The following GPR137C variants were observed in gnomAD, a reference collection of about 807,000 sequenced individuals.
The protein encoded by GPR137C is integral membrane protein GPR137C.
GPR137C carries 27 observed loss-of-function variants against 43.4 expected under a neutral mutation model. That is an observed-to-expected ratio of 0.62 (90% CI 0.46 to 0.86). The LOEUF (loss-of-function observed/expected upper bound fraction) is 0.86, where lower values mean the gene tolerates loss of function less well. GPR137C is among the 40% of genes least tolerant of loss of function. The pLI is 0.00. For missense variants in GPR137C, 522 were observed against 534.6 expected (o/e 0.98, Z 0.23); for synonymous variants, 285 against 226.9 (o/e 1.26, Z -2.30).
intron 1 of GPR137C, among the ~76,000 whole-genome samples, chr14:52,566,836 G>C (rs556599182): frequency 6.6e-6 from 1 of 152,358 alleles, no homozygotes; most frequent in South Asian, 2.1e-4. Context: ...TACAGGCCAG[G>C]TGCAGTGGCT....
intron 3 of GPR137C, among the ~76,000 whole-genome samples, chr14:52,621,560 T>C (rs978524270): frequency 3.3e-5 from 5 of 151,984 alleles, no homozygotes; most frequent in Admixed American, 3.3e-4. Context: ...AAAAATCACG[T>C]AATATTGTGA....
intron 3 of GPR137C, among the ~76,000 whole-genome samples, chr14:52,617,366 G>T (rs1488479226): frequency 6.6e-6 from 1 of 151,966 alleles, no homozygotes; most frequent in African/African-American, 2.4e-5. Context: ...GCCTTAGAGA[G>T]AGTGTATTAA....
chr14:52,635,405 T>G lies in GPR137C; in HGVS notation c.*290T>G, dbSNP rs559668158. 1.1e-5 allele frequency: 3 copies of G among 261,722 alleles called. No individual in the cohort carries two copies. The highest frequency in any genetic ancestry group is 1.1e-4 in the Admixed American group (2 of 18,108). The allele number at this position is 261,722 out of a possible 1,614,324, so 16.2% of individuals were successfully genotyped here. On this transcript the variant is annotated 3_prime_UTR_variant, in exon 7 of 7. Transcript: ENST00000321662. ...TCAAATGCATATGTGCACTTTTATC[T>G]TTGTTCTGAGTCACTGCAGTCCCCA...
At chr14:52,560,179 A>G (rs1001817202) in intron 1 of GPR137C, among the ~76,000 whole-genome samples, 2 of 152,168 alleles carry the variant, frequency 1.3e-5, no homozygotes, top group East Asian at 1.9e-4. Context: ...TCTACATGCA[A>G]TAGTGTCAAA....
intron 1 of GPR137C, among the ~76,000 whole-genome samples, chr14:52,579,917 A>G (rs1372615266): frequency 6.6e-6 from 1 of 152,236 alleles, no homozygotes; most frequent in Non-Finnish European, 1.5e-5. Context: ...GGTATTCAGT[A>G]TAAACTATAT....
At chr14:52,621,898 C>A (rs2039165528) in intron 3 of GPR137C, among the ~76,000 whole-genome samples, 1 of 151,244 alleles carries the variant, frequency 6.6e-6, no homozygotes. Flanking sequence ...TAAAAATATC[C>A]ATTTATTAAT....
Position 52,635,021 on chromosome 14 carries a change from A to G in GPR137C, c.1196A>G (p.Asn399Ser), listed in dbSNP as rs1465257876. The change falls in exon 7 of 7, where the codon AAT becomes AGT. Residue 399 changes from asparagine to serine, a missense_variant. By Grantham distance (46) the Asn-to-Ser change is conservative. This residue lies in a region of GPR137C where 67 missense variants were observed against 69.0 expected (regional missense o/e 0.97). Coordinates refer to ENST00000321662, the MANE Select transcript of GPR137C (RefSeq NM_001099652.2). ...SSSYTVTPHL[N>S]GPMTDTAPLL... is the part of the protein sequence containing the mutation. ...AGTTACACAGTCACTCCCCACCTGA[A>G]TGGACCTATGACAGATACTGCTCCT... The G allele has an allele frequency of 1.2e-6, 2 of 1,612,884 alleles. No individual in the cohort carries two copies. Among genetic ancestry groups the G allele is most frequent in the Admixed American group, 1.7e-5 (1 of 59,826 alleles).
chr14:52,577,183 CAAAAAAAAAAAAA>C lies in GPR137C; in HGVS notation c.445-21071_445-21059del, dbSNP rs34249999. Among the ~76,000 whole-genome samples the C allele has an allele frequency of 7.8e-4, 32 of 41,170 alleles. 1 individual carries two copies. Among genetic ancestry groups the C allele is most frequent in the Admixed American group, 3.9e-3 (10 of 2,560 alleles). 27.0% of individuals were successfully genotyped at this position (41,170 alleles called of 152,430 possible). ...GCCTGGGCGACAGAGTAAGACTCCTCAAAAAAAAAAAAAAAAAAAAAAAAAAAAAAGATACCTG... is the reference window on the plus strand; with the variant it reads ...GCCTGGGCGACAGAGTAAGACTCCTCAAAAAAAAAAAAAAAAAGATACCTG... On this transcript the variant is annotated intron_variant, in intron 1 of 6. Coordinates refer to ENST00000321662, the MANE Select transcript of GPR137C (RefSeq NM_001099652.2).
chr14:52,602,118 C>T (rs1448602894), intron 3 of GPR137C, among the ~76,000 whole-genome samples: 1 of 150,266 alleles, frequency 6.7e-6, no homozygotes, highest in African/African-American at 2.5e-5. Context: ...TTAAGTAGTT[C>T]CCAGTCTTCC....
At chr14:52,597,166 A>G (rs2139520406) in intron 1 of GPR137C, among the ~76,000 whole-genome samples, 1 of 152,308 alleles carries the variant, frequency 6.6e-6, no homozygotes, top group East Asian at 1.9e-4. Context: ...GACGCTCCAG[A>G]CAGTTTTTCC....
At chr14:52,599,360 A>C (rs1202511610) in intron 2 of GPR137C, among the ~76,000 whole-genome samples, 2 of 151,316 alleles carry the variant, frequency 1.3e-5, no homozygotes, top group African/African-American at 4.9e-5. Flanking sequence ...GTTTGAAAGC[A>C]TTTTTTGCTA....
At chr14:52,573,913 A>G (rs2038510458) in intron 1 of GPR137C, among the ~76,000 whole-genome samples, 1 of 152,208 alleles carries the variant, frequency 6.6e-6, no homozygotes, top group Admixed American at 6.5e-5. Context: ...GGCAAAGGAT[A>G]TGAACAGACA....
chr14:52,592,294 A>G (rs1402220912), intron 1 of GPR137C, among the ~76,000 whole-genome samples: 1 of 152,138 alleles, frequency 6.6e-6, no homozygotes, highest in African/African-American at 2.4e-5. Context: ...CTGTTTTGCT[A>G]GGATTGTCTT....
At chr14:52,590,263 G>T (rs139158730) in intron 1 of GPR137C, among the ~76,000 whole-genome samples, 1 of 151,910 alleles carries the variant, frequency 6.6e-6, no homozygotes, top group East Asian at 1.9e-4. Flanking sequence ...GAAAAAAAAA[G>T]CTTATTGAAT....
At chr14:52,581,742 A>T (rs1034634151) in intron 1 of GPR137C, among the ~76,000 whole-genome samples, 1 of 152,206 alleles carries the variant, frequency 6.6e-6, no homozygotes, top group African/African-American at 2.4e-5. Context: ...TTGGATATGT[A>T]TGCCTAACTC....
At chr14:52,612,305 C>G in intron 3 of GPR137C, 1 of 897,504 alleles carries the variant, frequency 1.1e-6, no homozygotes, top group African/African-American at 1.8e-5. Context: ...AGGATTTTCT[C>G]ATGCTATTAA....
chr14:52,612,427 A>C (rs1399390980), intron 3 of GPR137C: 1 of 981,810 alleles, frequency 1.0e-6, no homozygotes. Context: ...CATAATGTTA[A>C]TTTTCTTCAA....
intron 1 of GPR137C, among the ~76,000 whole-genome samples, chr14:52,566,267 CCAGCCT>C (rs1460565620): frequency 6.6e-6 from 1 of 152,144 alleles, no homozygotes; most frequent in African/African-American, 2.4e-5. Context: ...ATTTGTTTTT[CCAGCCT>C]CAGTCTTCTC....
intron 3 of GPR137C, among the ~76,000 whole-genome samples, chr14:52,623,630 G>A (rs1294733621): frequency 6.6e-6 from 1 of 151,856 alleles, no homozygotes; most frequent in African/African-American, 2.4e-5. Context: ...ACACAATAAG[G>A]TAAATTATTA....
Sources: allele counts gnomAD v4.1 joint callset (sites outside exome capture counted in the v4.1 genomes callset), GRCh38; gene constraint gnomAD v4.1.1; regional missense constraint gnomAD v4.1.1; transcripts MANE v1.5; gene names NCBI Gene and HGNC (gene_info 2026-07-23, HGNC 2026-07-21).